REV3L: variants seen among roughly 807,000 people sequenced by gnomAD.
REV3L encodes DNA polymerase zeta catalytic subunit.
In REV3L, 69 loss-of-function variants were observed where a neutral mutation model predicts 299.4. That is an observed-to-expected ratio of 0.23 (90% CI 0.19 to 0.28). REV3L has a LOEUF of 0.28. Among genes scored for constraint, REV3L ranks in the 10% least tolerant of loss-of-function variants. The pLI, the probability that REV3L is intolerant of heterozygous loss-of-function variation, is 1.00. For missense variants in REV3L, 3,128 were observed against 3,693.8 expected (o/e 0.85, Z 3.97); for synonymous variants, 1,238 against 1,271.4 (o/e 0.97, Z 0.56).
At chr6:111,370,875 T>C (rs1779734696) in intron 13 of REV3L, among the ~76,000 whole-genome samples, 2 of 152,192 alleles carry the variant, frequency 1.3e-5, no homozygotes, top group East Asian at 3.8e-4. Context: ...CACATCATAA[T>C]TGTCCAAAGT....
intron 12 of REV3L, 92 bp from the exon 13 acceptor site, chr6:111,376,849 G>T: frequency 9.8e-7 from 1 of 1,019,330 alleles, no homozygotes; most frequent in Non-Finnish European, 1.4e-6. Context: ...CTATCACTAT[G>T]AAAAAATTAC....
At chr6:111,416,610 C>G (rs1784791813) in intron 1 of REV3L, 138 bp from the exon 2 acceptor site, 2 of 650,126 alleles carry the variant, frequency 3.1e-6, no homozygotes, top group South Asian at 4.1e-5. Flanking sequence ...ACCCATAGTT[C>G]AAAGTAACCA....
chr6:111,317,383 C>T (rs781327141), intron 26 of REV3L, among the ~76,000 whole-genome samples: 1 of 152,110 alleles, frequency 6.6e-6, no homozygotes, highest in African/African-American at 2.4e-5. Context: ...AATAAAAATG[C>T]CTTAGTTAAT....
intron 24 of REV3L, chr6:111,330,151 C>T: frequency 2.7e-6 from 1 of 364,276 alleles, no homozygotes; most frequent in Non-Finnish European, 5.6e-6. Flanking sequence ...CTAATGACCC[C>T]ACACAGAAAT....
rs1793973735 is a variant in REV3L, at chr6:111,483,085, G to A, written c.-197C>T. 8 of 584,686 alleles carry A rather than the reference G, an allele frequency of 1.4e-5. No individual in the cohort carries two copies. The highest frequency in any genetic ancestry group is 6.5e-5 in the South Asian group (2 of 30,750). The allele number at this position is 584,686 out of a possible 1,614,324, so 36.2% of individuals were successfully genotyped here. On this transcript the variant is annotated 5_prime_UTR_variant, in exon 1 of 32. Coordinates refer to ENST00000368802, the MANE Select transcript of REV3L (RefSeq NM_001372078.1). Reference sequence around the variant, plus strand: ...TGCCGCCGCCTCCTCAGGAGCACCCGGCAAGGGGCCGCAGGAGAGAAGCCC... The same window carrying A: ...TGCCGCCGCCTCCTCAGGAGCACCCAGCAAGGGGCCGCAGGAGAGAAGCCC...
Position 111,375,148 on chromosome 6 carries a change from A to G in REV3L, c.3207T>C (p.Asn1069=), listed in dbSNP as rs772441438. 6 of 1,607,488 alleles carry G rather than the reference A, an allele frequency of 3.7e-6. No homozygotes were observed. In the South Asian group the frequency reaches 6.7e-5, roughly 18 times the overall value. Residue 1069 remains asparagine, a synonymous_variant, in exon 13 of 32, where the codon AAT becomes AAC. Coordinates refer to ENST00000368802, the MANE Select transcript of REV3L (RefSeq NM_001372078.1). ...TGKQQRTNNE[N]IKRTLSFRKK... is the part of the protein sequence containing the mutation. ...TCCTGAAAGACAAAGTTCTTTTAAT[A>G]TTTTCATTATTTGTCCTTTGTTGTT...
intron 1 of REV3L, among the ~76,000 whole-genome samples, chr6:111,469,209 A>C (rs1344741521): frequency 6.6e-6 from 1 of 152,088 alleles, no homozygotes; most frequent in Non-Finnish European, 1.5e-5. Flanking sequence ...GATGATTAAC[A>C]CAGTAGTCTT....
At chr6:111,448,870 T>C (rs1163025377) in intron 1 of REV3L, among the ~76,000 whole-genome samples, 2 of 148,488 alleles carry the variant, frequency 1.3e-5, no homozygotes, top group Non-Finnish European at 3.0e-5. Flanking sequence ...CTTGAGGAGT[T>C]AGAGACTCCT....
intron 1 of REV3L, chr6:111,430,386 A>G: frequency 7.6e-7 from 1 of 1,309,064 alleles, no homozygotes; most frequent in Non-Finnish European, 1.1e-6. Flanking sequence ...GATCAAGAAC[A>G]ATGACTACCA....
At chr6:111,421,550 A>G (rs1169603872) in intron 1 of REV3L, among the ~76,000 whole-genome samples, 4 of 152,148 alleles carry the variant, frequency 2.6e-5, no homozygotes, top group Non-Finnish European at 5.9e-5. Flanking sequence ...CATGGATAGT[A>G]GTTTGCCAAT....
intron 1 of REV3L, among the ~76,000 whole-genome samples, chr6:111,447,877 C>T (rs2128313631): frequency 6.6e-6 from 1 of 152,314 alleles, no homozygotes; most frequent in South Asian, 2.1e-4. Flanking sequence ...CCAAATGTCT[C>T]TACTACTATA....
At chr6:111,386,057 T>C (rs1781313619) in intron 9 of REV3L, among the ~76,000 whole-genome samples, 1 of 152,232 alleles carries the variant, frequency 6.6e-6, no homozygotes, top group Non-Finnish European at 1.5e-5. Flanking sequence ...TTACTAACCA[T>C]GTATAAGCTA....
intron 1 of REV3L, among the ~76,000 whole-genome samples, chr6:111,451,322 C>T (rs557924352): frequency 6.6e-6 from 1 of 152,246 alleles, no homozygotes; most frequent in South Asian, 2.1e-4. Flanking sequence ...CTGTCACTTT[C>T]CCAACTTCTT....
intron 18 of REV3L, 38 bp from the exon 19 acceptor site, chr6:111,351,829 A>G (rs768065687): frequency 7.5e-7 from 1 of 1,332,928 alleles, no homozygotes; most frequent in South Asian, 1.2e-5. Context: ...TAAGTACCAT[A>G]CATTTGAACC....
chr6:111,464,040 A>G (rs1385665467), intron 1 of REV3L, among the ~76,000 whole-genome samples: 1 of 152,194 alleles, frequency 6.6e-6, no homozygotes, highest in African/African-American at 2.4e-5. Context: ...TAAATCACTA[A>G]AAGTCCTAAG....
intron 1 of REV3L, among the ~76,000 whole-genome samples, chr6:111,468,516 A>G (rs904734340): frequency 6.6e-6 from 1 of 152,196 alleles, no homozygotes; most frequent in African/African-American, 2.4e-5. Context: ...CCTCTCAAGC[A>G]TATGAAAAAA....
At chr6:111,465,755 A>AAC (rs1264008390) in intron 1 of REV3L, among the ~76,000 whole-genome samples, 5 of 150,810 alleles carry the variant, frequency 3.3e-5, no homozygotes, top group African/African-American at 7.3e-5. Flanking sequence ...CAAAAAAAAA[A>AAC]AAAAAAAAAA....
chr6:111,407,841 CAGG>C (rs1783809300), intron 3 of REV3L, among the ~76,000 whole-genome samples: 1 of 152,078 alleles, frequency 6.6e-6, no homozygotes, highest in Non-Finnish European at 1.5e-5. Context: ...GAGGCTGAGG[CAGG>C]AGAATTGCAT....
At chr6:111,406,949 C>T (rs1783700975) in intron 3 of REV3L, among the ~76,000 whole-genome samples, 1 of 152,078 alleles carries the variant, frequency 6.6e-6, no homozygotes, top group African/African-American at 2.4e-5. Context: ...ACGATCATCT[C>T]CATTTTATAA....
Sources: gnomAD v4.1 joint callset for allele counts (sites outside exome capture counted in the v4.1 genomes callset) on GRCh38, gnomAD v4.1.1 for gene constraint, MANE v1.5 for transcripts, NCBI Gene and HGNC (gene_info 2026-07-23, HGNC 2026-07-21) for gene names.